Variants in PFKL observed in about 807,000 individuals in gnomAD.
PFKL encodes the protein ATP-dependent 6-phosphofructokinase, liver type.
PFKL carries 74 observed loss-of-function variants against 92.1 expected under a neutral mutation model. That is an observed-to-expected ratio of 0.80 (90% confidence interval 0.67 to 0.97). The LOEUF is 0.97. Ranked by LOEUF, PFKL falls within the 50% of genes least tolerant of loss-of-function variation. PFKL has a pLI of 0.00. For missense variants in PFKL, 1,028 were observed against 1,116.6 expected (o/e 0.92, Z 1.13); for synonymous variants, 494 against 456.4 (o/e 1.08, Z -1.05).
chr21:44,325,537 A>T (rs1323723360), intron 19 of PFKL: 1 of 545,426 alleles, frequency 1.8e-6, no homozygotes, highest in Non-Finnish European at 3.3e-6. Flanking sequence ...TCCCGCGGCC[A>T]CTTCCGCCGA....
chr21:44,322,201 G>C lies in PFKL; in HGVS notation c.1407G>C (p.Lys469Asn). The change falls in exon 14 of 22, where the codon AAG becomes AAC. Residue 469 changes from lysine (K) to asparagine (N), a missense_variant and splice_region_variant. Lys to Asn is a moderately conservative substitution (Grantham distance 94). Coordinates refer to ENST00000349048, the MANE Select transcript of PFKL (RefSeq NM_002626.6). ...GTGGTGGCTCCATGCTGGGGACCAA[G>C]AGGTGAGCTGCCTGCTGCGGGTACC... ...LGRGGSMLGT[K>N]RTLPKGQLES... is the part of the protein sequence containing the mutation. The C allele has an allele frequency of 6.2e-7, 1 of 1,600,806 alleles. No homozygotes were observed. Among genetic ancestry groups the C allele is most frequent in the Non-Finnish European group, 8.5e-7 (1 of 1,177,310 alleles).
chr21:44,304,199 G>A, intron 1 of PFKL: 1 of 1,285,434 alleles, frequency 7.8e-7, no homozygotes, highest in Non-Finnish European at 1.0e-6. Context: ...TTATTTTGCA[G>A]AGCACCCTGA....
At chr21:44,301,558 C>T (rs1329288981) in intron 1 of PFKL, among the ~76,000 whole-genome samples, 3 of 152,146 alleles carry the variant, frequency 2.0e-5, no homozygotes, top group Admixed American at 2.0e-4. Context: ...AATTCCAGCA[C>T]TTTGGGTGGC....
intron 1 of PFKL, chr21:44,304,508 C>T (rs561086002): frequency 2.5e-5 from 29 of 1,145,414 alleles, no homozygotes; most frequent in East Asian, 8.5e-5. Context: ...GAGGGAGGGA[C>T]GGAGGCTTAG....
rs763897017 is a variant in PFKL at position 44,326,005 on chromosome 21, G to A, written c.2034G>A (p.Leu678=). 4 of 1,613,736 alleles carry A rather than the reference G, an allele frequency of 2.5e-6. No individual in the cohort carries two copies. In the African/African-American group the frequency reaches 5.3e-5, roughly 22 times the overall value. Residue 678 remains leucine (L), a synonymous_variant, in exon 20 of 22, where the codon CTG becomes CTA. Transcript: ENST00000349048. ...TTGACCGGAACTATGGGACCAAGCT[G>A]GGGGTGAAGGCCATGCTGTGGTTGT... ...TPFDRNYGTK[L]GVKAMLWLSE...
chr21:44,300,887 A>T (rs1335549742), intron 1 of PFKL, among the ~76,000 whole-genome samples: 1 of 152,166 alleles, frequency 6.6e-6, no homozygotes, highest in East Asian at 1.9e-4. Context: ...GGTCCTGCCC[A>T]CTGCCGGCCT....
intron 12 of PFKL, 105 bp downstream of exon 12, chr21:44,320,252 C>T (rs1484276243): frequency 2.1e-6 from 2 of 949,094 alleles, no homozygotes; most frequent in Non-Finnish European, 3.2e-6. Context: ...ACCTTCCCTC[C>T]TGCTGGGGTC....
chr21:44,324,017 C>T (rs2047429078), intron 16 of PFKL, 99 bp downstream of exon 16: 2 of 1,385,812 alleles, frequency 1.4e-6, no homozygotes, highest in South Asian at 2.5e-5. Flanking sequence ...TGGTGAGCAC[C>T]TGGGAGGGCT....
intron 21 of PFKL, 82 bp from the exon 22 acceptor site, chr21:44,326,633 G>A (rs1019097496): frequency 7.0e-7 from 1 of 1,436,676 alleles, no homozygotes; most frequent in African/African-American, 1.4e-5. Context: ...AGGGTCGGGG[G>A]GGGTGGGGGG....
intron 1 of PFKL, chr21:44,306,014 C>G: frequency 8.4e-7 from 1 of 1,189,634 alleles, no homozygotes; most frequent in Non-Finnish European, 1.1e-6. Flanking sequence ...GTTCTCAGTC[C>G]CCCATCTCAT....
chr21:44,301,175 A>G (rs2040765136), intron 1 of PFKL, among the ~76,000 whole-genome samples: 1 of 152,210 alleles, frequency 6.6e-6, no homozygotes, highest in African/African-American at 2.4e-5. Context: ...GGCGAGAAGG[A>G]AGCCGGCCTT....
At chr21:44,302,392 G>A (rs1320689777) in intron 1 of PFKL, among the ~76,000 whole-genome samples, 1 of 152,214 alleles carries the variant, frequency 6.6e-6, no homozygotes, top group African/African-American at 2.4e-5. Context: ...AGTAGGATGG[G>A]AGGAACTGAC....
chr21:44,305,311 GAGAGCGGATGAGA>G, intron 1 of PFKL: 1 of 1,364,836 alleles, frequency 7.3e-7, no homozygotes, highest in Non-Finnish European at 9.8e-7. Context: ...CGCCAAGCTG[GAGAGCGGATGAGA>G]AGCATGTGTA....
chr21:44,326,455 G>A (rs1374654648), intron 21 of PFKL, among the ~76,000 whole-genome samples, 191 bp downstream of exon 21: 1 of 152,196 alleles, frequency 6.6e-6, no homozygotes, highest in Non-Finnish European at 1.5e-5. Flanking sequence ...CACAACACTG[G>A]GCAATCCTTT....
At chr21:44,305,893 A>T in intron 1 of PFKL, 1 of 1,364,896 alleles carries the variant, frequency 7.3e-7, no homozygotes, top group South Asian at 1.1e-5. Context: ...AGAGGAAGTG[A>T]CCTCAGAGCC....
chr21:44,323,909 C>T lies in PFKL; in HGVS notation c.1641C>T (p.Ala547=), dbSNP rs61737693. ...FSLGSDTAVN[A]AMESCDRIKQ... is the part of the protein sequence containing the mutation. The stretch of plus-strand genomic sequence containing the variant: ...TGGGCTCCGACACTGCTGTAAATGC[C>T]GCCATGGAGGTACGGGGCTCCTGGA... The change falls in exon 16 of 22, where the codon GCC becomes GCT. Residue 547 remains alanine, a synonymous_variant. Coordinates refer to ENST00000349048, the MANE Select transcript of PFKL (RefSeq NM_002626.6). The T allele has an allele frequency of 9.8e-4, 1,584 of 1,613,370 alleles. 5 individuals are homozygous for T. The highest frequency in any genetic ancestry group is 8.5e-4 in the South Asian group (77 of 91,086).
chr21:44,307,408 C>G, intron 2 of PFKL: 1 of 587,490 alleles, frequency 1.7e-6, no homozygotes, highest in African/African-American at 2.0e-5. Flanking sequence ...CACGCACTCA[C>G]AGGCTGCATT....
intron 1 of PFKL, among the ~76,000 whole-genome samples, chr21:44,300,504 C>T (rs958544112): frequency 6.6e-6 from 1 of 152,158 alleles, no homozygotes; most frequent in African/African-American, 2.4e-5. Flanking sequence ...GCCACGCGAG[C>T]GGAGGGCGCC....
chr21:44,318,375 T>C, intron 9 of PFKL, 95 bp from the exon 10 acceptor site: 1 of 1,298,118 alleles, frequency 7.7e-7, no homozygotes, highest in Non-Finnish European at 1.0e-6. Context: ...CGTGGGGGGC[T>C]CTGGAAGCTG....
Sources: allele counts gnomAD v4.1 joint callset (sites outside exome capture counted in the v4.1 genomes callset), GRCh38; gene constraint gnomAD v4.1.1; transcripts MANE v1.5; gene names NCBI Gene and HGNC (gene_info 2026-07-23, HGNC 2026-07-21).